The following EMSY variants were observed in gnomAD, a reference collection of about 807,000 sequenced individuals.
EMSY encodes the protein EMSY transcriptional repressor, BRCA2 interacting, also known as BRCA2-interacting transcriptional repressor EMSY.
A neutral mutation model predicts 134.6 loss-of-function variants in EMSY; 26 were observed. That is an observed-to-expected ratio of 0.19 (90% CI 0.14 to 0.27). EMSY has a LOEUF of 0.27. Ranked by LOEUF, EMSY falls within the 10% of genes least tolerant of loss-of-function variation. EMSY has a pLI of 1.00. For synonymous variants in EMSY, 579 were observed against 577.8 expected, an observed-to-expected ratio of 1.00 and a Z score of -0.03; for missense variants, 1,305 against 1,611.4, an observed-to-expected ratio of 0.81 and a Z score of 3.26.
chr11:76,485,050 GTAAT>G (rs1949126943), intron 8 of EMSY, among the ~76,000 whole-genome samples: 1 of 152,000 alleles, frequency 6.6e-6, no homozygotes, highest in Admixed American at 6.6e-5. Flanking sequence ...AATTGAGGCA[GTAAT>G]TAATAGTCTA....
intron 17 of EMSY, among the ~76,000 whole-genome samples, chr11:76,540,747 G>A (rs1305667231): frequency 2.6e-5 from 4 of 152,174 alleles, no homozygotes; most frequent in African/African-American, 4.8e-5. Context: ...CAGGAAGTCA[G>A]TGCTATTTGA....
At chr11:76,526,062 G>A (rs556657354) in intron 12 of EMSY, among the ~76,000 whole-genome samples, 1 of 152,212 alleles carries the variant, frequency 6.6e-6, no homozygotes, top group East Asian at 1.9e-4. Flanking sequence ...AGATAAATTA[G>A]AAAATAAATA....
intron 1 of EMSY, among the ~76,000 whole-genome samples, chr11:76,446,254 T>TGG (rs1947386013): frequency 6.6e-6 from 1 of 151,716 alleles, no homozygotes; most frequent in Non-Finnish European, 1.5e-5. Context: ...AAATGGCTGT[T>TGG]TAATAACTAC....
chr11:76,528,179 A>G, intron 13 of EMSY, 89 bp from the exon 15 acceptor site: 1 of 1,144,512 alleles, frequency 8.7e-7, no homozygotes, highest in Non-Finnish European at 1.3e-6. Flanking sequence ...TTTCCATACC[A>G]GGAAAATATT....
chr11:76,513,945 T>G (rs1456940601), intron 10 of EMSY, among the ~76,000 whole-genome samples: 1 of 152,146 alleles, frequency 6.6e-6, no homozygotes, highest in Non-Finnish European at 1.5e-5. Context: ...AGGATTTCAC[T>G]CTGATGAAGT....
intron 9 of EMSY, among the ~76,000 whole-genome samples, chr11:76,505,222 G>A (rs531447672): frequency 3.3e-5 from 5 of 152,148 alleles, no homozygotes; most frequent in African/African-American, 1.2e-4. Context: ...GGTGGCTCAT[G>A]CCTGTAATCC....
intron 1 of EMSY, among the ~76,000 whole-genome samples, chr11:76,445,668 T>C (rs1565262132): frequency 6.6e-6 from 1 of 152,134 alleles, no homozygotes; most frequent in Admixed American, 6.5e-5. Flanking sequence ...CTGCCCGGGT[T>C]TCCGATGCGT....
At chr11:76,514,322 A>G (rs1223652450) in intron 10 of EMSY, among the ~76,000 whole-genome samples, 1 of 152,190 alleles carries the variant, frequency 6.6e-6, no homozygotes, top group Non-Finnish European at 1.5e-5. Context: ...TTTTAAATGT[A>G]TGACTCTTTA....
At chr11:76,464,972 T>C (rs1393343085) in intron 7 of EMSY, among the ~76,000 whole-genome samples, 1 of 152,242 alleles carries the variant, frequency 6.6e-6, no homozygotes, top group African/African-American at 2.4e-5. Flanking sequence ...ACCATTCTAA[T>C]TTCAGATACT....
At chr11:76,510,265 A>C (rs1950227688) in intron 9 of EMSY, among the ~76,000 whole-genome samples, 1 of 152,220 alleles carries the variant, frequency 6.6e-6, no homozygotes. Flanking sequence ...GGGCAAGAGG[A>C]TTGCTTGAGC....
At chr11:76,550,159 A>G (rs950420912) in exon 21 of EMSY, 7 of 1,576,792 alleles carry the variant, frequency 4.4e-6, no homozygotes, top group Non-Finnish European at 5.2e-6. Flanking sequence ...TTTGGACACA[A>G]TAGTGCACTT....
intron 9 of EMSY, among the ~76,000 whole-genome samples, chr11:76,497,555 T>A (rs1949704943): frequency 6.6e-6 from 1 of 152,144 alleles, no homozygotes; most frequent in Non-Finnish European, 1.5e-5. Flanking sequence ...TCAGATTATC[T>A]GTTTCATCTT....
intron 9 of EMSY, among the ~76,000 whole-genome samples, chr11:76,506,141 A>T (rs1283753077): frequency 5.3e-5 from 8 of 152,102 alleles, no homozygotes; most frequent in African/African-American, 1.4e-4. Flanking sequence ...ATAAAATTTA[A>T]ATATAAAAAA....
chr11:76,466,784 C>G (rs1948370007), intron 7 of EMSY, among the ~76,000 whole-genome samples: 2 of 152,116 alleles, frequency 1.3e-5, no homozygotes, highest in African/African-American at 4.8e-5. Flanking sequence ...AGTCAAGAGT[C>G]CTGGGTTAGA....
At chr11:76,483,400 A>C (rs1949058344) in intron 8 of EMSY, among the ~76,000 whole-genome samples, 1 of 152,226 alleles carries the variant, frequency 6.6e-6, no homozygotes, top group Admixed American at 6.5e-5. Flanking sequence ...TTCACACATA[A>C]CAATATTAAC....
intron 16 of EMSY, 86 bp from the exon 18 acceptor site, chr11:76,539,513 C>A: frequency 7.4e-7 from 1 of 1,350,276 alleles, no homozygotes; most frequent in South Asian, 1.2e-5. Context: ...TTCTGGGGAA[C>A]ATAAATAACC....
In EMSY at chr11:76,539,693, T is replaced by C. The variant is rs539125841; in HGVS notation, c.2557+53T>C. 3.8e-6 allele frequency: 6 copies of C among 1,568,102 alleles called. No individual in the cohort carries two copies. In the African/African-American group the frequency reaches 5.4e-5, roughly 14 times the overall value. ...TCACTGAAGGTAAAAGATGATTGTTTTGGGGGGAACCGCTTAAATGGATGC... is the reference window on the plus strand; with the variant it reads ...TCACTGAAGGTAAAAGATGATTGTTCTGGGGGGAACCGCTTAAATGGATGC... On this transcript the variant is annotated intron_variant, in intron 17 of 20. Coordinates refer to ENST00000334736, the Ensembl canonical transcript of EMSY.
At chr11:76,517,658 A>G (rs1445553111) in intron 11 of EMSY, among the ~76,000 whole-genome samples, 1 of 152,170 alleles carries the variant, frequency 6.6e-6, no homozygotes, top group Non-Finnish European at 1.5e-5. Context: ...AAGCAAGCAC[A>G]TTTTCCTAAA....
At chr11:76,543,288 G>A (rs537919751) in intron 18 of EMSY, among the ~76,000 whole-genome samples, 9 of 152,220 alleles carry the variant, frequency 5.9e-5, no homozygotes, top group African/African-American at 1.7e-4. Flanking sequence ...TTGAAAGCCT[G>A]TATGTGCAAA....
Sources: allele counts gnomAD v4.1 joint callset (sites outside exome capture counted in the v4.1 genomes callset), GRCh38; gene constraint gnomAD v4.1.1; transcripts MANE v1.5; gene names NCBI Gene and HGNC (gene_info 2026-07-23, HGNC 2026-07-21).